The following MARCHF1 variants were observed in gnomAD, a reference collection of about 807,000 sequenced individuals.
MARCHF1 encodes E3 ubiquitin-protein ligase MARCHF1.
A neutral mutation model predicts 54.2 loss-of-function variants in MARCHF1; 40 were observed. The ratio of observed to expected loss-of-function variants is 0.74; its 90% CI spans 0.57 to 0.96. The LOEUF is 0.96. MARCHF1 is among the 40% of genes least tolerant of loss of function. The pLI is 0.00. For missense variants in MARCHF1, 586 were observed against 656.5 expected (o/e 0.89, Z 1.17); for synonymous variants, 236 against 236.3 (o/e 1.00, Z 0.01).
At chr4:164,191,193 AT>A (rs1731115371) in intron 1 of MARCHF1, among the ~76,000 whole-genome samples, 3 of 152,238 alleles carry the variant, frequency 2.0e-5, no homozygotes, top group Admixed American at 2.0e-4. Context: ...TTCTTTATTA[AT>A]TAAAGTAAGC....
rs964198341 is a variant in MARCHF1, at chr4:163,525,872, C to T, written c.*2876G>A. The T allele has an allele frequency of 6.6e-6, 1 of 152,006 alleles. No individual in the cohort carries two copies. Among genetic ancestry groups the T allele is most frequent in the South Asian group, 2.1e-4 (1 of 4,816 alleles). The allele number at this position is 152,006 out of a possible 1,614,324, so 9.4% of individuals were successfully genotyped here. ...TTTATTGTTTGAAAGGGCAAATGTT[C>T]CATTGCCACACAGAATGTAAAAAGA... On this transcript the variant is annotated 3_prime_UTR_variant, in exon 10 of 10. Coordinates refer to ENST00000514618, the MANE Select transcript of MARCHF1 (RefSeq NM_001394959.1).
intron 2 of MARCHF1, among the ~76,000 whole-genome samples, chr4:164,099,251 T>C (rs933298098): frequency 4.6e-5 from 7 of 152,330 alleles, no homozygotes; most frequent in Admixed American, 2.6e-4. Flanking sequence ...TTGATATTTA[T>C]GTACAATCGT....
chr4:163,689,473 T>C (rs1744373966), intron 5 of MARCHF1, among the ~76,000 whole-genome samples: 2 of 152,224 alleles, frequency 1.3e-5, no homozygotes, highest in African/African-American at 4.8e-5. Context: ...CACTAAGCAC[T>C]TGTAGCTACT....
intron 1 of MARCHF1, among the ~76,000 whole-genome samples, chr4:164,306,162 T>A: frequency 6.6e-6 from 1 of 152,156 alleles, no homozygotes; most frequent in East Asian, 1.9e-4. Flanking sequence ...GAATTTGTCA[T>A]CGTCAGGAAA....
chr4:164,237,473 CT>C (rs1732596393), intron 1 of MARCHF1, among the ~76,000 whole-genome samples: 1 of 152,000 alleles, frequency 6.6e-6, no homozygotes, highest in African/African-American at 2.4e-5. Context: ...TTTTTAAAGA[CT>C]AGGAACATTC....
chr4:164,263,729 C>A (rs1347917297), intron 1 of MARCHF1, among the ~76,000 whole-genome samples: 1 of 152,094 alleles, frequency 6.6e-6, no homozygotes, highest in Non-Finnish European at 1.5e-5. Flanking sequence ...ATGCAGCCAA[C>A]AAACACACAC....
chr4:164,243,758 G>A (rs1245620694), intron 1 of MARCHF1, among the ~76,000 whole-genome samples: 1 of 152,184 alleles, frequency 6.6e-6, no homozygotes, highest in Admixed American at 6.5e-5. Context: ...AAAGGATGGA[G>A]GAAGATCCAC....
intron 1 of MARCHF1, among the ~76,000 whole-genome samples, chr4:164,192,923 G>A (rs1731158855): frequency 6.6e-6 from 1 of 152,122 alleles, no homozygotes; most frequent in African/African-American, 2.4e-5. Context: ...TTGAGTTTCT[G>A]AAAATGGTTA....
chr4:163,595,960 G>A (rs1441689964), intron 7 of MARCHF1, among the ~76,000 whole-genome samples: 1 of 151,680 alleles, frequency 6.6e-6, no homozygotes, highest in Non-Finnish European at 1.5e-5. Context: ...CATAAAAAAA[G>A]TAAGATTATT....
At chr4:163,927,581 T>C (rs534329191) in intron 3 of MARCHF1, among the ~76,000 whole-genome samples, 2 of 151,824 alleles carry the variant, frequency 1.3e-5, no homozygotes, top group Non-Finnish European at 3.0e-5. Flanking sequence ...TTTAAACTTG[T>C]TAAATTCAAG....
chr4:163,986,193 T>A (rs554153104), intron 3 of MARCHF1, among the ~76,000 whole-genome samples: 2 of 150,852 alleles, frequency 1.3e-5, no homozygotes, highest in African/African-American at 4.8e-5. Context: ...GTATCTCTTT[T>A]TAGAAATTAT....
intron 2 of MARCHF1, among the ~76,000 whole-genome samples, chr4:164,056,995 C>T (rs187830523): frequency 5.5e-4 from 84 of 152,114 alleles, no homozygotes; most frequent in African/African-American, 1.8e-3. Context: ...TGTAGGGAAG[C>T]GATCCAGGCA....
chr4:164,262,127 A>G (rs1302502238), intron 1 of MARCHF1, among the ~76,000 whole-genome samples: 1 of 145,550 alleles, frequency 6.9e-6, no homozygotes, highest in Non-Finnish European at 1.5e-5. Flanking sequence ...AAAAAAAAAG[A>G]ATAGAGAGAA....
chr4:163,994,257 A>AGTGTGTGTGTGTGT (rs769035806), intron 2 of MARCHF1, among the ~76,000 whole-genome samples: 156 of 137,120 alleles, frequency 1.1e-3, no homozygotes, highest in Middle Eastern at 0.011. Context: ...ATAGAGAAAA[A>AGTGTGTGTGTGTGT]GTGTGTGTGT....
intron 4 of MARCHF1, among the ~76,000 whole-genome samples, chr4:163,786,478 A>G (rs1423889491): frequency 6.6e-6 from 1 of 152,014 alleles, no homozygotes; most frequent in South Asian, 2.1e-4. Flanking sequence ...TAAGAAAATA[A>G]TAATGGACAT....
At chr4:164,006,657 A>G (rs748007163) in intron 2 of MARCHF1, among the ~76,000 whole-genome samples, 5 of 152,134 alleles carry the variant, frequency 3.3e-5, no homozygotes, top group Non-Finnish European at 7.4e-5. Flanking sequence ...CAACCCAAAA[A>G]GACTACCCCA....
At chr4:163,791,857 A>T (rs1747781343) in intron 4 of MARCHF1, among the ~76,000 whole-genome samples, 2 of 152,152 alleles carry the variant, frequency 1.3e-5, no homozygotes, top group African/African-American at 4.8e-5. Context: ...TATTTTGCTT[A>T]CATAGCCCAC....
At chr4:163,665,711 G>A (rs1743509851) in intron 5 of MARCHF1, among the ~76,000 whole-genome samples, 1 of 152,090 alleles carries the variant, frequency 6.6e-6, no homozygotes, top group Non-Finnish European at 1.5e-5. Context: ...GAAACCCTAA[G>A]TAGAAATCTG....
At chr4:163,890,262 T>C (rs1474012472) in intron 3 of MARCHF1, among the ~76,000 whole-genome samples, 3 of 152,140 alleles carry the variant, frequency 2.0e-5, no homozygotes, top group African/African-American at 7.2e-5. Flanking sequence ...AATGTAGGAA[T>C]GTATGTTCTA....
Sources: allele counts gnomAD v4.1 joint callset (sites outside exome capture counted in the v4.1 genomes callset), GRCh38; gene constraint gnomAD v4.1.1; transcripts MANE v1.5; gene names NCBI Gene and HGNC (gene_info 2026-07-23, HGNC 2026-07-21).